The following CPNE2 variants were observed in gnomAD, a reference collection of about 807,000 sequenced individuals.
CPNE2 encodes copine-2.
A neutral mutation model predicts 69.7 loss-of-function variants in CPNE2; 42 were observed. The observed-to-expected ratio is 0.60, with a 90% CI of 0.47 to 0.78. CPNE2 has a LOEUF of 0.78. Among genes scored for constraint, CPNE2 ranks in the 30% least tolerant of loss-of-function variants. The pLI is 0.00. For missense variants in CPNE2, 587 were observed against 732.0 expected, an observed-to-expected ratio of 0.80 and a Z score of 2.29; for synonymous variants, 294 against 289.8, an observed-to-expected ratio of 1.01 and a Z score of -0.15.
At chr16:57,124,376 C>T (rs2069785263) in intron 10 of CPNE2, 1 of 456,388 alleles carries the variant, frequency 2.2e-6, no homozygotes, top group Non-Finnish European at 4.4e-6. Flanking sequence ...GTCACTGGGC[C>T]TGGCCCTCAC....
intron 1 of CPNE2, among the ~76,000 whole-genome samples, chr16:57,107,874 T>G (rs2069657643): frequency 6.7e-6 from 1 of 148,458 alleles, no homozygotes; most frequent in Non-Finnish European, 1.5e-5. Context: ...TCTTTTTTTT[T>G]TTTTTTTTTT....
rs1191403727 is a variant in CPNE2 at position 57,146,753 on chromosome 16, C to G, written c.1539+432C>G. ...CTCCCAGTCATCTTAGGTTGACCTCCTCTCCCTAAAGCCCTCTGCCTGGGA... is the reference window on the plus strand; with the variant it reads ...CTCCCAGTCATCTTAGGTTGACCTCGTCTCCCTAAAGCCCTCTGCCTGGGA... On this transcript the variant is annotated intron_variant, in intron 15 of 15. Transcript: ENST00000290776. The surrounding 1 kb of genome is among the most constrained non-coding windows in gnomAD (Gnocchi z 4.4). The G allele has an allele frequency of 5.5e-6, 1 of 181,748 alleles. No individual in the cohort carries two copies. Among genetic ancestry groups the G allele is most frequent in the African/African-American group, 2.4e-5 (1 of 41,800 alleles). The allele number at this position is 181,748 out of a possible 1,614,324, so 11.3% of individuals were successfully genotyped here.
chr16:57,138,683 C>T (rs1427384852), intron 14 of CPNE2, among the ~76,000 whole-genome samples: 1 of 152,122 alleles, frequency 6.6e-6, no homozygotes, highest in Non-Finnish European at 1.5e-5. Context: ...GCCTTCTCTG[C>T]CTGTTCCTGG....
intron 8 of CPNE2, 123 bp from the exon 9 acceptor site, chr16:57,121,551 G>A: frequency 1.1e-6 from 1 of 932,304 alleles, no homozygotes. Flanking sequence ...ATCCTGGGAG[G>A]CTCCCTGGAG....
Position 57,113,305 on chromosome 16 carries a change from C to T in CPNE2, c.198C>T (p.Thr66=), listed in dbSNP as rs777308820. ...GRWIEYDRTE[T]AINNLNPAFS... ...TCTGCTAGTACGACAGGACAGAAACCGCGATCAACAACCTCAACCCCGCCT... is the reference window on the plus strand; with the variant it reads ...TCTGCTAGTACGACAGGACAGAAACTGCGATCAACAACCTCAACCCCGCCT... Residue 66 remains threonine, a synonymous_variant, in exon 3 of 16, where the codon ACC becomes ACT. Coordinates refer to ENST00000290776, the MANE Select transcript of CPNE2 (RefSeq NM_152727.6). The T allele has an allele frequency of 5.6e-6, 9 of 1,613,834 alleles. No individual in the cohort carries two copies. Among genetic ancestry groups the T allele is most frequent in the South Asian group, 2.2e-5 (2 of 91,084 alleles).
At chr16:57,102,373 A>G (rs2069620272) in intron 1 of CPNE2, among the ~76,000 whole-genome samples, 1 of 152,068 alleles carries the variant, frequency 6.6e-6, no homozygotes, top group Non-Finnish European at 1.5e-5. Flanking sequence ...CACTGCCAGG[A>G]TATGCTGGGT....
intron 1 of CPNE2, among the ~76,000 whole-genome samples, chr16:57,100,801 C>T (rs370839589): frequency 5.6e-4 from 85 of 152,322 alleles, no homozygotes; most frequent in African/African-American, 2.0e-3. Flanking sequence ...TCACCCTTCT[C>T]TTGCAGCTGA....
chr16:57,117,450 G>C (rs369432826), intron 4 of CPNE2, 46 bp from the exon 5 acceptor site: 114 of 1,591,910 alleles, frequency 7.2e-5, no homozygotes, highest in Non-Finnish European at 8.7e-5. Flanking sequence ...CTGCCTGGCA[G>C]GAGGCTGGGG....
intron 13 of CPNE2, among the ~76,000 whole-genome samples, chr16:57,135,953 G>A (rs2069877111): frequency 7.1e-6 from 1 of 140,362 alleles, no homozygotes; most frequent in Admixed American, 7.3e-5. Context: ...GAAAGGAAGG[G>A]AAGGGGAAGG....
rs917877719 is a variant in CPNE2, at chr16:57,113,231, C to T, written c.181-57C>T. On this transcript the variant is annotated intron_variant, in intron 2 of 15. Coordinates refer to ENST00000290776, the MANE Select transcript of CPNE2 (RefSeq NM_152727.6). Reference sequence around the variant, plus strand: ...TAGCAGAATGATTTCCAGCAGCCTGCGAGGTCTTGGACCAGCTGCCTTGAC... The same window carrying T: ...TAGCAGAATGATTTCCAGCAGCCTGTGAGGTCTTGGACCAGCTGCCTTGAC... The T allele has an allele frequency of 1.2e-5, 18 of 1,518,118 alleles. No homozygotes were observed. The East Asian group carries it at 1.6e-4, about 13-fold the overall frequency. 94.0% of individuals were successfully genotyped at this position (1,518,118 alleles called of 1,614,324 possible). A position where few individuals can be genotyped will look rare whatever the true frequency, so the allele number is the denominator to read the frequency against.
chr16:57,147,585 CGGA>C lies in CPNE2; in HGVS notation c.1576_1578del (p.Glu526del). 6.2e-7 allele frequency: 1 copy of C among 1,609,182 alleles called. No homozygotes were observed. Among genetic ancestry groups the C allele is most frequent in the Non-Finnish European group, 8.5e-7 (1 of 1,176,638 alleles). The stretch of plus-strand genomic sequence containing the variant: ...GAGACCTTGGCCAAAGCTGTGCTGG[CGGA>C]GCTGCCCCAACAAGTTGTGCAGTAT... On this transcript the variant is annotated inframe_deletion, in exon 16 of 16. Transcript: ENST00000290776.
At chr16:57,094,805 G>T (rs2069568098) in intron 1 of CPNE2, among the ~76,000 whole-genome samples, 1 of 152,162 alleles carries the variant, frequency 6.6e-6, no homozygotes, top group Admixed American at 6.5e-5. Flanking sequence ...CAGGGGCCTG[G>T]GGTGAAAGAA....
At chr16:57,129,555 C>T (rs919925841) in intron 12 of CPNE2, among the ~76,000 whole-genome samples, 6 of 152,176 alleles carry the variant, frequency 3.9e-5, no homozygotes, top group Admixed American at 6.5e-5. Flanking sequence ...CAGTGGCTCA[C>T]GCCTATAATC....
intron 1 of CPNE2, among the ~76,000 whole-genome samples, chr16:57,101,828 G>T (rs1335265742): frequency 6.6e-6 from 1 of 152,184 alleles, no homozygotes; most frequent in East Asian, 1.9e-4. Flanking sequence ...CCTGTGATTT[G>T]TGTATACTTA....
intron 1 of CPNE2, among the ~76,000 whole-genome samples, chr16:57,097,239 G>C (rs2069583385): frequency 6.6e-6 from 1 of 152,070 alleles, no homozygotes; most frequent in African/African-American, 2.4e-5. Context: ...GAGATTTCCT[G>C]CCCTTGTCAT....
chr16:57,137,388 T>A (rs1430872896), intron 14 of CPNE2, 106 bp downstream of exon 14: 1 of 1,390,222 alleles, frequency 7.2e-7, no homozygotes, highest in Non-Finnish European at 9.7e-7. Flanking sequence ...AGTGGACACC[T>A]CTGGGCCTTG....
intron 1 of CPNE2, among the ~76,000 whole-genome samples, chr16:57,100,924 T>G (rs1244119456): frequency 6.8e-6 from 1 of 146,580 alleles, no homozygotes; most frequent in Non-Finnish European, 1.5e-5. Flanking sequence ...AACTAAAGAT[T>G]GCTATGATGG....
At chr16:57,118,712 T>C (rs1294500645) in intron 5 of CPNE2, among the ~76,000 whole-genome samples, 1 of 144,912 alleles carries the variant, frequency 6.9e-6, no homozygotes, top group Admixed American at 6.9e-5. Flanking sequence ...ATAGATAGAG[T>C]GAGTCACATA....
chr16:57,094,735 G>T (rs919842951), intron 1 of CPNE2, among the ~76,000 whole-genome samples: 8 of 152,110 alleles, frequency 5.3e-5, no homozygotes, highest in Non-Finnish European at 1.2e-4. Flanking sequence ...CCTTTGTGGG[G>T]TTGTCTCAGG....
Sources: allele counts gnomAD v4.1 joint callset (sites outside exome capture counted in the v4.1 genomes callset), GRCh38; gene constraint gnomAD v4.1.1; non-coding constraint Gnocchi (gnomAD v3.1); transcripts MANE v1.5; gene names NCBI Gene and HGNC (gene_info 2026-07-23, HGNC 2026-07-21).